Variants in ARID3B observed in about 807,000 individuals in gnomAD.
ARID3B encodes the protein AT-rich interaction domain 3B, also known as AT-rich interactive domain-containing protein 3B.
In ARID3B, 10 loss-of-function variants were observed where a neutral mutation model predicts 51.9. The ratio of observed to expected loss-of-function variants is 0.19; its 90% CI spans 0.12 to 0.33. ARID3B has a LOEUF of 0.33. Among genes scored for constraint, ARID3B ranks in the 10% least tolerant of loss-of-function variants. The pLI, the probability that ARID3B is intolerant of heterozygous loss-of-function variation, is 1.00. For synonymous variants in ARID3B, 205 were observed against 279.5 expected (o/e 0.73, Z 2.66); for missense variants, 483 against 716.3 (o/e 0.67, Z 3.72).
chr15:74,566,238 A>AT (rs1314123726), intron 2 of ARID3B, among the ~76,000 whole-genome samples: 1 of 152,122 alleles, frequency 6.6e-6, no homozygotes, highest in Non-Finnish European at 1.5e-5. Flanking sequence ...ATTACAAGTC[A>AT]TTACTGAGGG....
chr15:74,598,041 C>T lies in ARID3B; in HGVS notation c.*2267C>T, dbSNP rs2061835507. On this transcript the variant is annotated 3_prime_UTR_variant, in exon 9 of 9. Transcript: ENST00000346246. Reference sequence around the variant, plus strand: ...AGTGAGTAAATACCTCAGATGTCCTCCTGCAGCAAGTGTCTATATGTTGTG... The same window carrying T: ...AGTGAGTAAATACCTCAGATGTCCTTCTGCAGCAAGTGTCTATATGTTGTG... 1 of 529,970 alleles carries T rather than the reference C, an allele frequency of 1.9e-6. No individual in the cohort carries two copies. The highest frequency in any genetic ancestry group is 1.9e-5 in the African/African-American group (1 of 53,512). 32.8% of individuals were successfully genotyped at this position (529,970 alleles called of 1,614,324 possible).
At chr15:74,587,110 T>C (rs1596263705) in intron 4 of ARID3B, among the ~76,000 whole-genome samples, 1 of 152,196 alleles carries the variant, frequency 6.6e-6, no homozygotes, top group Admixed American at 6.5e-5. Flanking sequence ...CGATTGGACA[T>C]GTGAGATGGG....
chr15:74,594,046 T>TAA (rs550899025), intron 8 of ARID3B, among the ~76,000 whole-genome samples: 1 of 136,708 alleles, frequency 7.3e-6, no homozygotes, highest in Non-Finnish European at 1.6e-5. Flanking sequence ...TTGTCTCAAT[T>TAA]AAAAAAAAAA....
At chr15:74,565,005 G>C (rs2061692458) in intron 2 of ARID3B, among the ~76,000 whole-genome samples, 1 of 151,826 alleles carries the variant, frequency 6.6e-6, no homozygotes, top group Admixed American at 6.6e-5. Context: ...ATAGAGAATA[G>C]ACACATTACT....
At chr15:74,557,204 C>T (rs1256618229) in intron 2 of ARID3B, among the ~76,000 whole-genome samples, 1 of 151,376 alleles carries the variant, frequency 6.6e-6, no homozygotes, top group Non-Finnish European at 1.5e-5. Context: ...TGCTTGAGCC[C>T]AGGAGATCAA....
At chr15:74,578,750 T>C (rs772780917) in intron 4 of ARID3B, among the ~76,000 whole-genome samples, 1 of 152,094 alleles carries the variant, frequency 6.6e-6, no homozygotes, top group Non-Finnish European at 1.5e-5. Flanking sequence ...TTTAATTAGC[T>C]GAGTGTGGTG....
chr15:74,549,630 A>G (rs930786686), intron 2 of ARID3B, among the ~76,000 whole-genome samples: 1 of 152,060 alleles, frequency 6.6e-6, no homozygotes, highest in African/African-American at 2.4e-5. Flanking sequence ...GGCTTTTTTA[A>G]AAAACTGTGC....
intron 4 of ARID3B, 23 bp from the exon 5 acceptor site, chr15:74,589,797 T>C (rs781106051): frequency 6.3e-7 from 1 of 1,591,360 alleles, no homozygotes; most frequent in East Asian, 2.2e-5. Context: ...CCGCTGTCTC[T>C]TTCTCTCGTT....
At position 74,595,291 on chromosome 15, in the gene ARID3B, C is replaced by A. The variant is rs181688031; in HGVS notation, c.1520-320C>A. On this transcript the variant is annotated intron_variant, in intron 8 of 8. Transcript: ENST00000346246. ...GGCCTTGAGCTATTCTCCTGCCTCA[C>A]CCTCCCAAAGTGCTGGGATTATAGT... Among the ~76,000 whole-genome samples the A allele has an allele frequency of 6.2e-4, 94 of 152,284 alleles. 1 individual carries two copies. The highest frequency in any genetic ancestry group is 5.9e-4 in the Non-Finnish European group (40 of 68,016).
At chr15:74,584,735 CAA>C (rs2061773978) in intron 4 of ARID3B, among the ~76,000 whole-genome samples, 2 of 152,326 alleles carry the variant, frequency 1.3e-5, no homozygotes, top group Admixed American at 6.5e-5. Flanking sequence ...GGAAGGAAAA[CAA>C]AGTACCAGGG....
intron 4 of ARID3B, among the ~76,000 whole-genome samples, chr15:74,581,203 A>C (rs1056948637): frequency 6.6e-6 from 1 of 152,216 alleles, no homozygotes; most frequent in Non-Finnish European, 1.5e-5. Flanking sequence ...CAAGGCTGCA[A>C]ACTGACCTTG....
intron 2 of ARID3B, among the ~76,000 whole-genome samples, chr15:74,544,881 G>A (rs996564256): frequency 1.3e-5 from 2 of 151,830 alleles, no homozygotes; most frequent in Non-Finnish European, 2.9e-5. Flanking sequence ...TAGCAGAGAC[G>A]GGGTTTCACC....
intron 5 of ARID3B, among the ~76,000 whole-genome samples, chr15:74,590,230 C>A (rs1331312716): frequency 6.6e-6 from 1 of 152,222 alleles, no homozygotes; most frequent in Non-Finnish European, 1.5e-5. Flanking sequence ...TTCATTTAAA[C>A]CTCACAGTCA....
At chr15:74,582,123 C>T (rs935827740) in intron 4 of ARID3B, among the ~76,000 whole-genome samples, 11 of 152,122 alleles carry the variant, frequency 7.2e-5, no homozygotes, top group African/African-American at 2.7e-4. Flanking sequence ...CCACCTCCTT[C>T]TGACTCATTG....
At chr15:74,584,539 G>A (rs1342654054) in intron 4 of ARID3B, among the ~76,000 whole-genome samples, 1 of 152,218 alleles carries the variant, frequency 6.6e-6, no homozygotes, top group Non-Finnish European at 1.5e-5. Flanking sequence ...ATATGAGTCT[G>A]TCTGGGGTCC....
At chr15:74,566,733 A>G (rs2061700311) in intron 2 of ARID3B, among the ~76,000 whole-genome samples, 1 of 152,182 alleles carries the variant, frequency 6.6e-6, no homozygotes, top group South Asian at 2.1e-4. Context: ...AGTCGTGACA[A>G]ATGGTTCAGA....
At chr15:74,582,785 AT>A (rs2061766624) in intron 4 of ARID3B, among the ~76,000 whole-genome samples, 1 of 152,356 alleles carries the variant, frequency 6.6e-6, no homozygotes, top group Non-Finnish European at 1.5e-5. Flanking sequence ...AAGCATATTC[AT>A]AGCAGCTCCA....
At chr15:74,557,700 A>G (rs2061663880) in intron 2 of ARID3B, among the ~76,000 whole-genome samples, 2 of 151,802 alleles carry the variant, frequency 1.3e-5, no homozygotes, top group African/African-American at 2.4e-5. Flanking sequence ...CCTAATTTCA[A>G]TATGGTTGTG....
At position 74,593,243 on chromosome 15, in the gene ARID3B, C is replaced by T. The variant is rs749151986; in HGVS notation, c.1519+7C>T. The T allele has an allele frequency of 5.0e-6, 8 of 1,609,882 alleles. No individual in the cohort carries two copies. The highest frequency in any genetic ancestry group is 6.8e-6 in the Non-Finnish European group (8 of 1,178,694). ...GATGGCACCACCTATGCAGGTGAGG[C>T]CCTGGAGCTCTGGGGGAGGCCCACG... On this transcript the variant is annotated splice_region_variant and intron_variant, in intron 8 of 8. Transcript: ENST00000346246.
Sources: gnomAD v4.1 joint callset for allele counts (sites outside exome capture counted in the v4.1 genomes callset) on GRCh38, gnomAD v4.1.1 for gene constraint, MANE v1.5 for transcripts, NCBI Gene and HGNC (gene_info 2026-07-23, HGNC 2026-07-21) for gene names.